The following NENF variants were observed in gnomAD, a reference collection of about 807,000 sequenced individuals.
NENF encodes neudesin.
Under a neutral mutation model 14.8 loss-of-function variants are expected in NENF, and 6 were observed. The observed-to-expected ratio is 0.40, with a 90% confidence interval of 0.22 to 0.80. NENF has a LOEUF of 0.80. Among genes scored for constraint, NENF ranks in the 30% least tolerant of loss-of-function variants. The pLI is 0.34. For synonymous variants in NENF, 76 were observed against 95.1 expected (o/e 0.80, Z 1.17); for missense variants, 184 against 212.7 (o/e 0.87, Z 0.84).
rs138494799 is a variant in NENF, at chr1:212,445,901, C to A, written c.414C>A (p.Pro138=). 1.2e-6 allele frequency: 2 copies of A among 1,614,086 alleles called. No individual in the cohort carries two copies. The highest frequency in any genetic ancestry group is 8.5e-7 in the Non-Finnish European group (1 of 1,180,032). The part of the protein sequence containing the change: ...VFTKVYKAKY[P]IVGYTARRIL... ...CCAAAGTGTACAAAGCCAAATACCC[C>A]ATCGTCGGCTACACTGCCCGGAGAA... Residue 138 remains proline (P), a synonymous_variant, in exon 4 of 4, where the codon CCC becomes CCA. Transcript: ENST00000366988.
rs1352691881 is a variant in NENF, at chr1:212,445,978, C to G, written c.491C>G (p.Pro164Arg). Reference protein sequence around the residue: ...PNLDFKPEDQPHFDIKDEF With the variant: ...PNLDFKPEDQRHFDIKDEF The stretch of plus-strand genomic sequence containing the variant: ...CTGGACTTCAAGCCTGAAGACCAGC[C>G]CCATTTTGACATCAAGGATGAGTTC... Residue 164 changes from proline (P) to arginine (R), a missense_variant, in exon 4 of 4, where the codon CCC becomes CGC. Coordinates refer to ENST00000366988, the MANE Select transcript of NENF (RefSeq NM_013349.5). 4 of 1,614,164 alleles carry G rather than the reference C, an allele frequency of 2.5e-6. No homozygotes were observed. The highest frequency in any genetic ancestry group is 2.5e-6 in the Non-Finnish European group (3 of 1,180,034).
chr1:212,438,000 GA>G (rs949104368), intron 1 of NENF, among the ~76,000 whole-genome samples: 2 of 151,730 alleles, frequency 1.3e-5, no homozygotes, highest in South Asian at 2.1e-4. Context: ...TTTTAAAAAA[GA>G]AAAAAAATCT....
At chr1:212,434,589 G>A (rs1382276610) in intron 1 of NENF, 1 of 152,050 alleles carries the variant, frequency 6.6e-6, no homozygotes, top group African/African-American at 2.4e-5. Context: ...TCTTCCTCAT[G>A]GGAGGGAGAG....
At chr1:212,438,489 T>C (rs1292010148) in intron 1 of NENF, among the ~76,000 whole-genome samples, 6 of 152,178 alleles carry the variant, frequency 3.9e-5, no homozygotes, top group Admixed American at 6.6e-5. Flanking sequence ...ACCTACAAAA[T>C]GGGTATAGTA....
intron 1 of NENF, 45 bp from the exon 2 acceptor site, chr1:212,442,520 G>C: frequency 8.2e-6 from 12 of 1,465,922 alleles, no homozygotes; most frequent in Non-Finnish European, 1.1e-5. Flanking sequence ...CACTGGAAGA[G>C]CTGGCTCTTC....
intron 1 of NENF, among the ~76,000 whole-genome samples, chr1:212,440,462 T>A (rs2102569496): frequency 6.6e-6 from 1 of 152,276 alleles, no homozygotes; most frequent in East Asian, 1.9e-4. Flanking sequence ...AAATGCCGTC[T>A]GCTGGCTTGG....
At chr1:212,435,006 A>C (rs960269193) in intron 1 of NENF, 1 of 152,422 alleles carries the variant, frequency 6.6e-6, no homozygotes, top group Non-Finnish European at 1.5e-5. Context: ...AGTTGAGTGC[A>C]GTGGGTTCAA....
rs148118799 is a variant in NENF, at chr1:212,439,522, A to G, written c.178-3043A>G. On this transcript the variant is annotated intron_variant, in intron 1 of 3. Transcript: ENST00000366988. ...ATGACATTGCACTCCAGCCTGGGCA[A>G]CAAGAGTGAAACTCCTTCTCATAAA... 8.6e-4 allele frequency among the ~76,000 whole-genome samples: 131 copies of G among 151,658 alleles called. 2 individuals are homozygous for G. The East Asian group carries it at 0.024, about 28-fold the overall frequency.
Position 212,433,152 on chromosome 1 carries a change from G to T in NENF, c.177+32G>T. On this transcript the variant is annotated intron_variant, in intron 1 of 3. Coordinates refer to ENST00000366988, the MANE Select transcript of NENF (RefSeq NM_013349.5). The surrounding 1 kb of genome is among the most constrained non-coding windows in gnomAD (Gnocchi z 5.5). The stretch of plus-strand genomic sequence containing the variant: ...GGGGGTGTCGCGGGCCGAGGGACCC[G>T]GGGTGGCGTCCGATCTGCGGCGAGC... The T allele has an allele frequency of 8.7e-7, 1 of 1,146,772 alleles. No individual in the cohort carries two copies. The highest frequency in any genetic ancestry group is 1.1e-6 in the Non-Finnish European group (1 of 927,336). 71.0% of individuals were successfully genotyped at this position (1,146,772 alleles called of 1,614,324 possible).
intron 1 of NENF, chr1:212,435,111 C>T (rs1304976065): frequency 6.6e-6 from 1 of 152,214 alleles, no homozygotes; most frequent in African/African-American, 2.4e-5. Context: ...AGAAGTGTGA[C>T]AATTTGTATA....
chr1:212,442,723 A>C (rs1314804697), intron 2 of NENF, 98 bp downstream of exon 2: 2 of 842,662 alleles, frequency 2.4e-6, no homozygotes, highest in African/African-American at 1.7e-5. Flanking sequence ...AACATTAGGC[A>C]AGTCCTTTTC....
At chr1:212,445,375 C>G (rs1326350432) in intron 3 of NENF, among the ~76,000 whole-genome samples, 1 of 151,980 alleles carries the variant, frequency 6.6e-6, no homozygotes, top group Non-Finnish European at 1.5e-5. Context: ...TGAGATGAGC[C>G]AAACTCATAA....
chr1:212,444,525 G>C (rs973594133), intron 3 of NENF, 83 bp downstream of exon 3: 11 of 246,774 alleles, frequency 4.5e-5, no homozygotes, highest in Middle Eastern at 9.2e-4. Context: ...TTTCGTGTGT[G>C]TGTGTGTGTG....
Position 212,433,111 on chromosome 1 carries a change from C to A in NENF, c.168C>A (p.Gly56=). The A allele has an allele frequency of 8.4e-7, 1 of 1,194,522 alleles. No individual in the cohort carries two copies. Among genetic ancestry groups the A allele is most frequent in the Non-Finnish European group, 1.0e-6 (1 of 963,352 alleles). The allele number at this position is 1,194,522 out of a possible 1,614,324, so 74.0% of individuals were successfully genotyped here. ...CCGAGGAGGAGCTGGCCCGCTATGG[C>A]GGGGAGGAGGTAGGCGGGGGTGTCG... is the stretch of plus-strand genomic sequence containing the variant. The part of the protein sequence containing the change: ...LFTEEELARY[G]GEEEDQPIYL... The change falls in exon 1 of 4, where the codon GGC becomes GGA. Residue 56 remains glycine (G), a synonymous_variant. Coordinates refer to ENST00000366988, the MANE Select transcript of NENF (RefSeq NM_013349.5). The surrounding 1 kb of genome is among the most constrained non-coding windows in gnomAD (Gnocchi z 5.5).
chr1:212,443,774 T>G (rs1334478259), intron 2 of NENF, among the ~76,000 whole-genome samples: 2 of 151,964 alleles, frequency 1.3e-5, no homozygotes, highest in Non-Finnish European at 2.9e-5. Context: ...CTAGGCACAG[T>G]GGCTTATGCT....
At chr1:212,440,156 G>T (rs1023686175) in intron 1 of NENF, among the ~76,000 whole-genome samples, 1 of 148,896 alleles carries the variant, frequency 6.7e-6, no homozygotes, top group Non-Finnish European at 1.5e-5. Context: ...GGAGACTGAG[G>T]CAGGAGAATC....
At chr1:212,443,444 C>T (rs1169966499) in intron 2 of NENF, among the ~76,000 whole-genome samples, 1 of 151,940 alleles carries the variant, frequency 6.6e-6, no homozygotes, top group African/African-American at 2.4e-5. Flanking sequence ...CTCGCTCTGT[C>T]GCCCAGGTTA....
Position 212,433,154 on chromosome 1 carries a change from GGTGGCGTCCGATCT to G in NENF, c.177+36_177+49del, listed in dbSNP as rs1015669579. 1 of 1,145,126 alleles carries G rather than the reference GGTGGCGTCCGATCT, an allele frequency of 8.7e-7. No homozygotes were observed. Among genetic ancestry groups the G allele is most frequent in the Non-Finnish European group, 1.1e-6 (1 of 926,018 alleles). The allele number at this position is 1,145,126 out of a possible 1,614,324, so 70.9% of individuals were successfully genotyped here. On this transcript the variant is annotated intron_variant, in intron 1 of 3. Transcript: ENST00000366988. The surrounding 1 kb of genome is among the most constrained non-coding windows in gnomAD (Gnocchi z 5.5). Reference sequence around the variant, plus strand: ...GGGTGTCGCGGGCCGAGGGACCCGGGGTGGCGTCCGATCTGCGGCGAGCCGAGCGGGGACCCAGG... The same window carrying G: ...GGGTGTCGCGGGCCGAGGGACCCGGGGCGGCGAGCCGAGCGGGGACCCAGG...
rs543214386 is a variant in NENF, at chr1:212,442,785, C to T, written c.238+160C>T. 5.9e-5 allele frequency among the ~76,000 whole-genome samples: 9 copies of T among 152,256 alleles called. No individual in the cohort carries two copies. The South Asian group carries it at 1.9e-3, about 32-fold the overall frequency. ...TGAGACGGAGTTTCACTCTGTCACC[C>T]AGGCTGGAGTGCGGTGGCACGATCT... On this transcript the variant is annotated intron_variant, in intron 2 of 3. Coordinates refer to ENST00000366988, the MANE Select transcript of NENF (RefSeq NM_013349.5).
Sources: allele counts gnomAD v4.1 joint callset (sites outside exome capture counted in the v4.1 genomes callset), GRCh38; gene constraint gnomAD v4.1.1; non-coding constraint Gnocchi (gnomAD v3.1); transcripts MANE v1.5; gene names NCBI Gene and HGNC (gene_info 2026-07-23, HGNC 2026-07-21).